TNN: variants seen among roughly 807,000 people sequenced by gnomAD.
The protein encoded by TNN is tenascin N.
Under a neutral mutation model 134.4 loss-of-function variants are expected in TNN, and 122 were observed. That is an observed-to-expected ratio of 0.91 (90% CI 0.78 to 1.06). The LOEUF is 1.06. TNN is among the 50% of genes least tolerant of loss of function. TNN has a pLI of 0.00. For synonymous variants in TNN, 710 were observed against 670.3 expected (o/e 1.06, Z -0.91); for missense variants, 1,739 against 1,699.4 (o/e 1.02, Z -0.41).
intron 15 of TNN, 76 bp downstream of exon 15, chr1:175,128,822 C>A: frequency 5.6e-6 from 8 of 1,439,264 alleles, no homozygotes; most frequent in Non-Finnish European, 7.4e-6. Context: ...ATGGATGCTC[C>A]ATAGAGTGTT....
chr1:175,128,635 T>C lies in TNN; in HGVS notation c.3219T>C (p.Val1073=), dbSNP rs1675593941. The stretch of plus-strand genomic sequence containing the variant: ...CACACCCTTCGGACTGCAGTCAGGT[T>C]CAGCAGAACAGCAATGCCGCCAGTG... The part of the protein sequence containing the change: ...RFPHPSDCSQ[V]QQNSNAASGL... Residue 1073 remains valine (V), a synonymous_variant, in exon 15 of 19, where the codon GTT becomes GTC. Transcript: ENST00000239462. The C allele has an allele frequency of 1.2e-6, 2 of 1,613,758 alleles. No homozygotes were observed. The highest frequency in any genetic ancestry group is 2.7e-5 in the African/African-American group (2 of 74,882).
intron 17 of TNN, among the ~76,000 whole-genome samples, chr1:175,141,363 C>T (rs1176054777): frequency 6.6e-6 from 1 of 152,054 alleles, no homozygotes; most frequent in Non-Finnish European, 1.5e-5. Context: ...CCTGCATGGG[C>T]CACAGTGGGG....
intron 6 of TNN, among the ~76,000 whole-genome samples, chr1:175,090,701 A>C (rs1674425200): frequency 6.6e-6 from 1 of 152,228 alleles, no homozygotes; most frequent in African/African-American, 2.4e-5. Context: ...CCTGATGTGA[A>C]CAGAGCTTCT....
intron 1 of TNN, among the ~76,000 whole-genome samples, chr1:175,071,970 C>A (rs879319818): frequency 2.0e-5 from 3 of 152,136 alleles, no homozygotes; most frequent in Non-Finnish European, 4.4e-5. Context: ...CAGTCATGGC[C>A]CTCTCTGTCA....
intron 12 of TNN, among the ~76,000 whole-genome samples, chr1:175,126,438 G>A (rs74126905): frequency 0.049 from 7,502 of 152,114 alleles, 322 homozygotes; most frequent in African/African-American, 0.11. Flanking sequence ...TCAATCATAA[G>A]CCCATATTCT....
At chr1:175,100,877 A>C (rs1051645123) in intron 9 of TNN, among the ~76,000 whole-genome samples, 1 of 152,222 alleles carries the variant, frequency 6.6e-6, no homozygotes, top group Non-Finnish European at 1.5e-5. Flanking sequence ...TTTTTAAAAA[A>C]ATTGATACAT....
intron 1 of TNN, among the ~76,000 whole-genome samples, chr1:175,074,022 C>T (rs1378080706): frequency 2.0e-5 from 3 of 152,178 alleles, no homozygotes; most frequent in African/African-American, 7.2e-5. Context: ...TCCTCTCACA[C>T]TGCAGCCCCC....
chr1:175,109,554 G>C (rs1485376761), intron 9 of TNN, among the ~76,000 whole-genome samples: 1 of 151,770 alleles, frequency 6.6e-6, no homozygotes, highest in Non-Finnish European at 1.5e-5. Context: ...TCTGTGCCTG[G>C]CTTATTTCAC....
At chr1:175,081,126 G>A (rs1364963869) in intron 4 of TNN, among the ~76,000 whole-genome samples, 1 of 152,188 alleles carries the variant, frequency 6.6e-6, no homozygotes, top group African/African-American at 2.4e-5. Context: ...CAAAGGGTCA[G>A]GTAAACAGGC....
chr1:175,120,121 T>C (rs74895754), intron 11 of TNN, among the ~76,000 whole-genome samples: 3,138 of 152,342 alleles, frequency 0.021, 101 homozygotes, highest in African/African-American at 0.071. Context: ...GAGCAAGTAT[T>C]CACCTGGGTG....
At chr1:175,078,642 T>A (rs1674111230) in intron 2 of TNN, among the ~76,000 whole-genome samples, 1 of 152,154 alleles carries the variant, frequency 6.6e-6, no homozygotes, top group Non-Finnish European at 1.5e-5. Flanking sequence ...GCTCCCACTT[T>A]GGAAGCGTTT....
chr1:175,077,927 T>C, intron 2 of TNN, 100 bp downstream of exon 2: 2 of 1,228,424 alleles, frequency 1.6e-6, no homozygotes, highest in Non-Finnish European at 2.2e-6. Context: ...GACTCTGGTG[T>C]GCTCCTACTT....
chr1:175,126,826 G>A, intron 12 of TNN, 129 bp from the exon 13 acceptor site: 3 of 1,038,226 alleles, frequency 2.9e-6, no homozygotes, highest in Admixed American at 2.9e-5. Flanking sequence ...AAGAGAGCCT[G>A]CAAACTGCTT....
At position 175,135,880 on chromosome 1, in the gene TNN, C is replaced by T. The variant is rs1165624288; in HGVS notation, c.3366C>T (p.Phe1122=). ...GGCGGAACACTGGGCAGCTGGATTT[C>T]TTCAAGCGATGGAGGAGCTATGTGG... ...FQRRNTGQLD[F]FKRWRSYVEG... The change falls in exon 16 of 19, where the codon TTC becomes TTT. Residue 1122 remains phenylalanine (F), a synonymous_variant. Coordinates refer to ENST00000239462, the MANE Select transcript of TNN (RefSeq NM_022093.2). The T allele has an allele frequency of 6.2e-7, 1 of 1,613,958 alleles. No homozygotes were observed. Among genetic ancestry groups the T allele is most frequent in the East Asian group, 2.2e-5 (1 of 44,876 alleles).
chr1:175,093,473 G>A (rs1674498787), intron 6 of TNN, among the ~76,000 whole-genome samples: 1 of 152,218 alleles, frequency 6.6e-6, no homozygotes, highest in Non-Finnish European at 1.5e-5. Context: ...GTTCAGTGAA[G>A]TGCTGTTGAA....
chr1:175,101,032 C>A (rs1334708194), intron 9 of TNN, among the ~76,000 whole-genome samples: 1 of 152,204 alleles, frequency 6.6e-6, no homozygotes, highest in Non-Finnish European at 1.5e-5. Flanking sequence ...TCTCTTCTAG[C>A]TATTTTGAAA....
intron 2 of TNN, 118 bp from the exon 3 acceptor site, chr1:175,079,215 A>ATTAGCC: frequency 3.1e-6 from 4 of 1,284,480 alleles, no homozygotes; most frequent in Non-Finnish European, 4.1e-6. Context: ...CCCAGAAATC[A>ATTAGCC]CCAGACCCTT....
chr1:175,135,550 CA>C (rs1328164167), intron 15 of TNN, among the ~76,000 whole-genome samples: 6 of 152,324 alleles, frequency 3.9e-5, no homozygotes, highest in African/African-American at 1.4e-4. Context: ...TTGCCCTAGA[CA>C]ACCCACACTA....
intron 11 of TNN, among the ~76,000 whole-genome samples, chr1:175,121,446 A>G (rs147441386): frequency 1.8e-4 from 28 of 152,346 alleles, no homozygotes; most frequent in Middle Eastern, 6.8e-3. Flanking sequence ...ATCAGCCAGG[A>G]CCATGTGGTA....
Sources: gnomAD v4.1 joint callset for allele counts (sites outside exome capture counted in the v4.1 genomes callset) on GRCh38, gnomAD v4.1.1 for gene constraint, MANE v1.5 for transcripts, NCBI Gene and HGNC (gene_info 2026-07-23, HGNC 2026-07-21) for gene names.